CACNA2D1: variants seen among roughly 807,000 people sequenced by gnomAD.
CACNA2D1 encodes the protein calcium voltage-gated channel auxiliary subunit alpha2delta 1, also known as voltage-dependent calcium channel subunit alpha-2/delta-1.
Under a neutral mutation model 171.5 loss-of-function variants are expected in CACNA2D1, and 53 were observed. The observed-to-expected ratio is 0.31, with a 90% CI of 0.25 to 0.39. CACNA2D1 has a LOEUF of 0.39. CACNA2D1 is among the 10% of genes least tolerant of loss of function. The pLI is 1.00. For synonymous variants in CACNA2D1, 442 were observed against 443.1 expected (o/e 1.00, Z 0.03); for missense variants, 903 against 1,299.8 (o/e 0.69, Z 4.69).
At chr7:82,195,364 A>G (rs576870010) in intron 3 of CACNA2D1, among the ~76,000 whole-genome samples, 46 of 151,898 alleles carry the variant, frequency 3.0e-4, no homozygotes, top group African/African-American at 6.5e-4. Context: ...GGTGATTCCA[A>G]ATAAAGATTC....
intron 6 of CACNA2D1, among the ~76,000 whole-genome samples, chr7:82,099,025 T>C (rs529022255): frequency 2.0e-5 from 3 of 152,214 alleles, no homozygotes; most frequent in African/African-American, 4.8e-5. Context: ...ATTGATGTTA[T>C]ACTGAAATGA....
chr7:82,339,981 G>A (rs1327537656), intron 2 of CACNA2D1, among the ~76,000 whole-genome samples: 2 of 152,166 alleles, frequency 1.3e-5, no homozygotes, highest in African/African-American at 4.8e-5. Flanking sequence ...TGTGACTAAG[G>A]AAGAGTAAAC....
At chr7:82,399,322 C>T (rs1415898706) in intron 1 of CACNA2D1, among the ~76,000 whole-genome samples, 1 of 151,910 alleles carries the variant, frequency 6.6e-6, no homozygotes, top group East Asian at 1.9e-4. Flanking sequence ...TGACTGTAAT[C>T]CCAGCTACTC....
intron 3 of CACNA2D1, among the ~76,000 whole-genome samples, chr7:82,175,386 T>C (rs925833727): frequency 6.6e-6 from 1 of 152,060 alleles, no homozygotes; most frequent in Non-Finnish European, 1.5e-5. Flanking sequence ...AAATAAAATA[T>C]GCATGTGTTA....
chr7:82,384,119 A>T (rs1009318122), intron 1 of CACNA2D1, among the ~76,000 whole-genome samples: 2 of 152,220 alleles, frequency 1.3e-5, no homozygotes, highest in African/African-American at 2.4e-5. Flanking sequence ...ATCACATTTC[A>T]TCTGACTAAA....
At chr7:81,951,967 G>GTGTTTTTTTTTTTTTTTTTT (rs1792581432) in intron 38 of CACNA2D1, among the ~76,000 whole-genome samples, 3 of 27,540 alleles carry the variant, frequency 1.1e-4, no homozygotes, top group Admixed American at 4.8e-4. Context: ...AGTGTACAAA[G>GTGTTTTTTTTTTTTTTTTTT]TGTTTTTTTT....
intron 4 of CACNA2D1, among the ~76,000 whole-genome samples, chr7:82,137,462 C>A (rs1791759337): frequency 6.6e-6 from 1 of 152,092 alleles, no homozygotes; most frequent in Non-Finnish European, 1.5e-5. Flanking sequence ...ATTTCTCTAT[C>A]TTATTCCAAA....
At chr7:82,303,371 A>G (rs1813293567) in intron 3 of CACNA2D1, among the ~76,000 whole-genome samples, 1 of 152,046 alleles carries the variant, frequency 6.6e-6, no homozygotes, top group Non-Finnish European at 1.5e-5. Flanking sequence ...AAGCAAGTAC[A>G]GATCCATTGC....
intron 8 of CACNA2D1, among the ~76,000 whole-genome samples, chr7:82,065,203 T>C (rs1807461003): frequency 6.6e-6 from 1 of 152,192 alleles, no homozygotes; most frequent in Non-Finnish European, 1.5e-5. Context: ...TCAGACAACA[T>C]ACAGCACAAT....
chr7:82,385,673 TTG>T (rs745615852), intron 1 of CACNA2D1, among the ~76,000 whole-genome samples: 155 of 152,244 alleles, frequency 1.0e-3, no homozygotes, highest in Non-Finnish European at 1.6e-3. Context: ...TTGTTTTGTT[TTG>T]TTTTTTTGAG....
At chr7:82,093,294 G>T (rs1194606137) in intron 6 of CACNA2D1, among the ~76,000 whole-genome samples, 1 of 152,090 alleles carries the variant, frequency 6.6e-6, no homozygotes, top group East Asian at 1.9e-4. Flanking sequence ...AATACTACTT[G>T]TCATTTAGTA....
At chr7:82,079,016 C>A (rs1055847377) in intron 7 of CACNA2D1, among the ~76,000 whole-genome samples, 2 of 152,102 alleles carry the variant, frequency 1.3e-5, no homozygotes, top group African/African-American at 2.4e-5. Context: ...ATGTTCAGTC[C>A]AAGGACAGAC....
At position 82,091,983 on chromosome 7, in the gene CACNA2D1, C is replaced by G. The variant is rs1214897706; in HGVS notation, c.527-7083G>C. Among the ~76,000 whole-genome samples the G allele has an allele frequency of 2.0e-5, 3 of 152,164 alleles. No individual in the cohort carries two copies. The East Asian group carries it at 5.8e-4, about 29-fold the overall frequency. ...TATGAATGAGAACTGAATTAGCAAG[C>G]ATATTTTTATTCCAGTTCTTTCCTC... is the stretch of plus-strand genomic sequence containing the variant. On this transcript the variant is annotated intron_variant, in intron 6 of 38. Transcript: ENST00000356860.
intron 1 of CACNA2D1, among the ~76,000 whole-genome samples, chr7:82,398,202 C>T (rs964963510): frequency 1.3e-5 from 2 of 152,078 alleles, no homozygotes; most frequent in African/African-American, 4.8e-5. Context: ...AGGGGAGAGA[C>T]TAAAAAAGTA....
rs749960686 is a variant in CACNA2D1, at chr7:82,142,669, A to G, written c.355-5993T>C. On this transcript the variant is annotated intron_variant, in intron 4 of 38. Coordinates refer to ENST00000356860, the MANE Select transcript of CACNA2D1 (RefSeq NM_000722.4). ...CTTTCTTGGCTATACTCAGCTCTGC[A>G]CATGATTCACAGCCTGACAAGTTTT... 4.9e-4 allele frequency among the ~76,000 whole-genome samples: 74 copies of G among 152,204 alleles called. 1 individual carries two copies. Among genetic ancestry groups the G allele is most frequent in the Non-Finnish European group, 7.3e-4 (50 of 68,038 alleles).
intron 3 of CACNA2D1, among the ~76,000 whole-genome samples, chr7:82,221,466 C>T (rs76821729): frequency 0.033 from 4,995 of 152,000 alleles, 258 homozygotes; most frequent in African/African-American, 0.11. Context: ...CAACCTCAGC[C>T]GGGGGCGGTG....
intron 1 of CACNA2D1, among the ~76,000 whole-genome samples, chr7:82,364,088 T>C (rs909682269): frequency 1.3e-5 from 2 of 151,924 alleles, no homozygotes; most frequent in Non-Finnish European, 2.9e-5. Flanking sequence ...AAAAAATAGC[T>C]GGGCATGGTG....
chr7:82,332,518 G>GAAAGAAAT (rs1757404009), intron 3 of CACNA2D1, among the ~76,000 whole-genome samples: 1 of 83,570 alleles, frequency 1.2e-5, no homozygotes, highest in Non-Finnish European at 2.6e-5. Context: ...TATAAAGAAA[G>GAAAGAAAT]AAAGAAAGAA....
At chr7:82,356,108 T>C (rs1253446704) in intron 1 of CACNA2D1, among the ~76,000 whole-genome samples, 1 of 151,948 alleles carries the variant, frequency 6.6e-6, no homozygotes, top group Non-Finnish European at 1.5e-5. Context: ...GCCAAATGCA[T>C]TGAGACCTTA....
Sources: allele counts gnomAD v4.1 joint callset (sites outside exome capture counted in the v4.1 genomes callset), GRCh38; gene constraint gnomAD v4.1.1; transcripts MANE v1.5; gene names NCBI Gene and HGNC (gene_info 2026-07-23, HGNC 2026-07-21).